Variants in SLC30A5 observed in about 807,000 individuals in gnomAD.
SLC30A5 encodes the protein proton-coupled zinc antiporter SLC30A5.
A neutral mutation model predicts 79.6 loss-of-function variants in SLC30A5; 33 were observed. The ratio of observed to expected loss-of-function variants is 0.41; its 90% CI spans 0.31 to 0.55. The LOEUF is 0.55. Ranked by LOEUF, SLC30A5 falls within the 20% of genes least tolerant of loss-of-function variation. The probability of loss-of-function intolerance (pLI) is 0.20; values close to 1 mark genes in which losing one functional copy is unlikely to be tolerated. For missense variants in SLC30A5, 788 were observed against 928.1 expected (o/e 0.85, Z 1.96); for synonymous variants, 299 against 319.7 (o/e 0.94, Z 0.69).
In SLC30A5 at chr5:69,103,094, C is replaced by T; in HGVS notation, c.239C>T (p.Pro80Leu). The T allele has an allele frequency of 6.3e-7, 1 of 1,588,992 alleles. No homozygotes were observed. Among genetic ancestry groups the T allele is most frequent in the South Asian group, 1.1e-5 (1 of 88,516 alleles). Reference protein sequence around the residue: ...TAFFMVLFQKPFSSGKTITKH... With the variant: ...TAFFMVLFQKLFSSGKTITKH... ...TTTTTTATGGTTTTGTTTCAAAAGC[C>T]ATTTTCTTCTGGGAAAACTATTACC... is the stretch of plus-strand genomic sequence containing the variant. The change falls in exon 3 of 16, where the codon CCA (proline) becomes CTA (leucine). Residue 80 changes from proline to leucine, a missense_variant. Coordinates refer to ENST00000396591, the MANE Select transcript of SLC30A5 (RefSeq NM_022902.5).
At position 69,094,124 on chromosome 5, in the gene SLC30A5, C is replaced by T. The variant is rs1259650390; in HGVS notation, c.-132C>T. Reference sequence around the variant, plus strand: ...GAGCCGGCGACGGCGGCAGTGGCGGCCCGGCCTGCAGGAGCCCGACGGGGT... The same window carrying T: ...GAGCCGGCGACGGCGGCAGTGGCGGTCCGGCCTGCAGGAGCCCGACGGGGT... On this transcript the variant is annotated 5_prime_UTR_variant, in exon 1 of 16. Transcript: ENST00000396591. The T allele has an allele frequency of 4.4e-6, 2 of 457,596 alleles. No homozygotes were observed. The highest frequency in any genetic ancestry group is 3.7e-6 in the Non-Finnish European group (1 of 271,194). The allele number at this position is 457,596 out of a possible 1,614,324, so 28.3% of individuals were successfully genotyped here.
In SLC30A5 at chr5:69,116,080, C is replaced by T; in HGVS notation, c.938C>T (p.Ala313Val). The change falls in exon 9 of 16, where the codon GCT becomes GTT. Residue 313 changes from alanine (A) to valine (V), a missense_variant. By Grantham distance (64) the Ala-to-Val change is moderately conservative. Around this residue, in one of 3 missense-constraint regions of SLC30A5, gnomAD observed 626 missense variants for 755.5 expected, o/e 0.83. Transcript: ENST00000396591. This position sits in a 1 kb window ranked among gnomAD's most constrained non-coding sequence, Gnocchi z 4.0. ...GGATCCTTTCCCATTTTTATTAGTG[C>T]TCTCCTTTTTGGAAATTTTTGGACA... ...RYGSFPIFIS[A>V]LLFGNFWTHP... The T allele has an allele frequency of 6.2e-7, 1 of 1,614,064 alleles. No homozygotes were observed. The highest frequency in any genetic ancestry group is 8.5e-7 in the Non-Finnish European group (1 of 1,180,018).
intron 1 of SLC30A5, 104 bp from the exon 2 acceptor site, chr5:69,100,703 A>G (rs1032855483): frequency 2.2e-6 from 2 of 895,560 alleles, no homozygotes; most frequent in South Asian, 1.9e-5. Flanking sequence ...GTGTTTATGT[A>G]TATTTCTGTG....
chr5:69,123,910 G>T (rs1025265151), intron 14 of SLC30A5, among the ~76,000 whole-genome samples: 1 of 151,888 alleles, frequency 6.6e-6, no homozygotes, highest in Non-Finnish European at 1.5e-5. Context: ...AGTTTAGATC[G>T]AGACCATCCT....
chr5:69,124,243 A>T (rs1412326966), intron 14 of SLC30A5, among the ~76,000 whole-genome samples: 1 of 151,990 alleles, frequency 6.6e-6, no homozygotes, highest in Non-Finnish European at 1.5e-5. Flanking sequence ...AAAAAAAAAA[A>T]TAGTAACAAT....
At chr5:69,095,041 C>T (rs905242584) in intron 1 of SLC30A5, among the ~76,000 whole-genome samples, 2 of 152,086 alleles carry the variant, frequency 1.3e-5, no homozygotes, top group Admixed American at 6.6e-5. Flanking sequence ...CGAAAATGCA[C>T]AAAATACAGC....
chr5:69,104,429 A>G lies in SLC30A5; in HGVS notation c.274-202A>G, dbSNP rs57499056. On this transcript the variant is annotated intron_variant, in intron 3 of 15. Transcript: ENST00000396591. ...AGTGCTAGGATTACAGGCATGAGCCACAGCACCCGGCCCAGAATAAGAATA... is the reference window on the plus strand; with the variant it reads ...AGTGCTAGGATTACAGGCATGAGCCGCAGCACCCGGCCCAGAATAAGAATA... The G allele has an allele frequency of 3.2e-3, 4,282 of 1,319,388 alleles. 136 individuals carry two copies. In the African/African-American group the frequency reaches 0.062, roughly 19 times the overall value. 81.7% of individuals were successfully genotyped at this position (1,319,388 alleles called of 1,614,324 possible). A position where few individuals can be genotyped will look rare whatever the true frequency, so the allele number is the denominator to read the frequency against.
At chr5:69,111,834 A>G (rs1202513848) in intron 5 of SLC30A5, among the ~76,000 whole-genome samples, 1 of 152,162 alleles carries the variant, frequency 6.6e-6, no homozygotes, top group Non-Finnish European at 1.5e-5. Flanking sequence ...GTAATCATAG[A>G]ATGAAGAGTA....
chr5:69,111,321 T>C (rs1319023797), intron 5 of SLC30A5, among the ~76,000 whole-genome samples: 104 of 148,138 alleles, frequency 7.0e-4, no homozygotes, highest in African/African-American at 2.5e-3. Context: ...TTTTTTTTTT[T>C]TGAGACAGAG....
chr5:69,101,782 G>T (rs187043), intron 2 of SLC30A5, among the ~76,000 whole-genome samples: 102 of 149,406 alleles, frequency 6.8e-4, no homozygotes, highest in Non-Finnish European at 1.2e-3. Flanking sequence ...CATGTCGAAA[G>T]CCTGTCTCTA....
rs188145411 is a variant in SLC30A5 at position 69,099,540 on chromosome 5, G to A, written c.84-1267G>A. On this transcript the variant is annotated intron_variant, in intron 1 of 15. Transcript: ENST00000396591. ...TGCCTGCCTGCTGGGTGGGAACCTG[G>A]GGATCTGATTACTTGGAAGACTTCC... 6.2e-4 allele frequency among the ~76,000 whole-genome samples: 94 copies of A among 152,250 alleles called. 1 individual carries two copies. The highest frequency in any genetic ancestry group is 3.9e-3 in the Admixed American group (60 of 15,272).
intron 4 of SLC30A5, among the ~76,000 whole-genome samples, chr5:69,105,319 T>G (rs1299182309): frequency 6.6e-6 from 1 of 152,168 alleles, no homozygotes; most frequent in Non-Finnish European, 1.5e-5. Context: ...GTATGAGCAT[T>G]CTTTTAACAT....
Position 69,130,315 on chromosome 5 carries a change from G to A in SLC30A5, c.*698G>A, listed in dbSNP as rs973246548. 6.6e-6 allele frequency: 1 copy of A among 152,102 alleles called. No homozygotes were observed. Among genetic ancestry groups the A allele is most frequent in the Non-Finnish European group, 1.5e-5 (1 of 68,010 alleles). The allele number at this position is 152,102 out of a possible 1,614,324, so 9.4% of individuals were successfully genotyped here. ...TATTAGGGTAAAGAACTTATACTAAGTTGTGTCCATGTTATTCATTTACTT... is the reference window on the plus strand; with the variant it reads ...TATTAGGGTAAAGAACTTATACTAAATTGTGTCCATGTTATTCATTTACTT... On this transcript the variant is annotated 3_prime_UTR_variant, in exon 16 of 16. Transcript: ENST00000396591.
intron 14 of SLC30A5, among the ~76,000 whole-genome samples, chr5:69,127,283 A>G (rs1234535001): frequency 2.0e-5 from 3 of 152,118 alleles, no homozygotes; most frequent in African/African-American, 7.2e-5. Flanking sequence ...GTTGTGCTGT[A>G]TCAGGGAAAA....
In SLC30A5 at chr5:69,125,870, C is replaced by CAAAAAAAAAAAAAAAAA. The variant is rs532994254; in HGVS notation, c.1999-2124_1999-2108dup. Among the ~76,000 whole-genome samples the CAAAAAAAAAAAAAAAAA allele has an allele frequency of 1.0e-3, 54 of 54,188 alleles. 3 individuals carry two copies. The highest frequency in any genetic ancestry group is 3.0e-3 in the African/African-American group (34 of 11,318). 35.5% of individuals were successfully genotyped at this position (54,188 alleles called of 152,430 possible). Reference sequence around the variant, plus strand: ...CGGGCCACAGAGCGAGACTCCGTCTCAAAAAAAAAAAAAAAAAAAAAAAAA... The same window carrying CAAAAAAAAAAAAAAAAA: ...CGGGCCACAGAGCGAGACTCCGTCTCAAAAAAAAAAAAAAAAAAAAAAAAAAAAAAAAAAAAAAAAAA... On this transcript the variant is annotated intron_variant, in intron 14 of 15. Coordinates refer to ENST00000396591, the MANE Select transcript of SLC30A5 (RefSeq NM_022902.5).
At chr5:69,127,196 G>A (rs1746720681) in intron 14 of SLC30A5, among the ~76,000 whole-genome samples, 1 of 152,118 alleles carries the variant, frequency 6.6e-6, no homozygotes, top group Non-Finnish European at 1.5e-5. Flanking sequence ...AACAAATAAT[G>A]TGCATATGAA....
intron 1 of SLC30A5, among the ~76,000 whole-genome samples, chr5:69,095,257 A>T (rs1484278323): frequency 1.4e-5 from 2 of 138,488 alleles, no homozygotes; most frequent in African/African-American, 2.8e-5. Context: ...CTGGAGTGCA[A>T]TGGCGCGATC....
At position 69,123,213 on chromosome 5, in the gene SLC30A5, G is replaced by C; in HGVS notation, c.1786G>C (p.Val596Leu). The C allele has an allele frequency of 4.4e-6, 7 of 1,602,600 alleles. No homozygotes were observed. Among genetic ancestry groups the C allele is most frequent in the Non-Finnish European group, 6.0e-6 (7 of 1,173,330 alleles). ...NANMRGVFLHVLADTLGSIGV... is the reference protein window; with the variant it reads ...NANMRGVFLHLLADTLGSIGV... Reference sequence around the variant, plus strand: ...TTTATTTGTAGGTGTATTTCTACATGTTTTGGCAGATACACTTGGCAGCAT... The same window carrying C: ...TTTATTTGTAGGTGTATTTCTACATCTTTTGGCAGATACACTTGGCAGCAT... Residue 596 changes from valine (V) to leucine (L), a missense_variant, in exon 14 of 16, where the codon GTT (valine) becomes CTT (leucine). Physicochemically the swap from Val to Leu is conservative, Grantham distance 32 (BLOSUM62 1). Coordinates refer to ENST00000396591, the MANE Select transcript of SLC30A5 (RefSeq NM_022902.5).
chr5:69,123,329 T>A lies in SLC30A5; in HGVS notation c.1902T>A (p.Phe634Leu). Reference protein sequence around the residue: ...LCSLFIAILIFLSVVPLIKDA... With the variant: ...LCSLFIAILILLSVVPLIKDA... ...CTCTTTTTATTGCTATATTAATATTTCTCAGTGTTGTTCCACTGATTAAAG... is the reference window on the plus strand; with the variant it reads ...CTCTTTTTATTGCTATATTAATATTACTCAGTGTTGTTCCACTGATTAAAG... The change falls in exon 14 of 16, where the codon TTT (phenylalanine) becomes TTA (leucine). Residue 634 changes from phenylalanine (F) to leucine (L), a missense_variant. By Grantham distance (22) the Phe-to-Leu change is conservative (BLOSUM62 0). Coordinates refer to ENST00000396591, the MANE Select transcript of SLC30A5 (RefSeq NM_022902.5). 6.2e-7 allele frequency: 1 copy of A among 1,613,902 alleles called. No individual in the cohort carries two copies. The highest frequency in any genetic ancestry group is 8.5e-7 in the Non-Finnish European group (1 of 1,179,776).
Sources: gnomAD v4.1 joint callset for allele counts (sites outside exome capture counted in the v4.1 genomes callset) on GRCh38, gnomAD v4.1.1 for gene constraint, gnomAD v4.1.1 regional missense constraint, Gnocchi (gnomAD v3.1) non-coding constraint, MANE v1.5 for transcripts, NCBI Gene and HGNC (gene_info 2026-07-23, HGNC 2026-07-21) for gene names.